Variants in MSI2 observed in about 807,000 individuals in gnomAD.
MSI2 encodes RNA-binding protein Musashi homolog 2.
Under a neutral mutation model 45.6 loss-of-function variants are expected in MSI2, and 17 were observed. The observed-to-expected ratio is 0.37, with a 90% CI of 0.26 to 0.56. The LOEUF (loss-of-function observed/expected upper bound fraction) is 0.56. MSI2 is among the 20% of genes least tolerant of loss of function. MSI2 has a pLI of 0.77. For synonymous variants in MSI2, 156 were observed against 158.2 expected, an observed-to-expected ratio of 0.99 and a Z score of 0.11; for missense variants, 293 against 444.2, an observed-to-expected ratio of 0.66 and a Z score of 3.06.
intron 7 of MSI2, among the ~76,000 whole-genome samples, chr17:57,566,286 G>T (rs997480922): frequency 6.6e-6 from 1 of 152,182 alleles, no homozygotes; most frequent in African/African-American, 2.4e-5. Context: ...AATTCCTCTT[G>T]GCACAGCCCC....
At chr17:57,530,233 T>G (rs2086793620) in intron 7 of MSI2, among the ~76,000 whole-genome samples, 1 of 152,196 alleles carries the variant, frequency 6.6e-6, no homozygotes, top group Admixed American at 6.5e-5. Flanking sequence ...GCATCTGTAC[T>G]TAATTGTGTT....
intron 6 of MSI2, among the ~76,000 whole-genome samples, chr17:57,416,637 G>A (rs2084299529): frequency 6.6e-6 from 1 of 152,158 alleles, no homozygotes; most frequent in African/African-American, 2.4e-5. Flanking sequence ...GTCTCAGTTT[G>A]TTGTTGCCCT....
At chr17:57,574,048 A>T (rs978771613) in intron 7 of MSI2, among the ~76,000 whole-genome samples, 2 of 152,164 alleles carry the variant, frequency 1.3e-5, no homozygotes, top group Admixed American at 6.5e-5. Context: ...AGAACAAGTC[A>T]GGAGGTAGCT....
At chr17:57,478,179 G>A (rs1020878517) in intron 6 of MSI2, among the ~76,000 whole-genome samples, 5 of 152,176 alleles carry the variant, frequency 3.3e-5, no homozygotes, top group African/African-American at 1.2e-4. Flanking sequence ...CAGGCCAAAA[G>A]CCAATAGACA....
intron 5 of MSI2, among the ~76,000 whole-genome samples, chr17:57,349,485 G>A (rs1915852955): frequency 6.6e-6 from 1 of 152,190 alleles, no homozygotes; most frequent in South Asian, 2.1e-4. Flanking sequence ...GAGTGATCCT[G>A]ACAGTGATTA....
intron 5 of MSI2, among the ~76,000 whole-genome samples, chr17:57,324,842 C>A (rs914295874): frequency 2.0e-5 from 3 of 152,172 alleles, no homozygotes; most frequent in Non-Finnish European, 2.9e-5. Context: ...TTCTTTGAGC[C>A]ACTGGGGCAG....
At chr17:57,634,856 A>G (rs1250248467) in intron 10 of MSI2, among the ~76,000 whole-genome samples, 3 of 152,196 alleles carry the variant, frequency 2.0e-5, no homozygotes, top group South Asian at 2.1e-4. Flanking sequence ...AGGCTGCTCA[A>G]ACTCCAGCCA....
intron 11 of MSI2, among the ~76,000 whole-genome samples, chr17:57,656,871 A>C (rs771002980): frequency 2.6e-5 from 4 of 152,182 alleles, no homozygotes; most frequent in Non-Finnish European, 5.9e-5. Context: ...TCTTCCCTAC[A>C]TTTGTGGTGA....
chr17:57,410,358 GCT>G (rs1459812927), intron 6 of MSI2, among the ~76,000 whole-genome samples: 1 of 151,940 alleles, frequency 6.6e-6, no homozygotes, highest in Non-Finnish European at 1.5e-5. Context: ...ATTTAATCCA[GCT>G]GCTGGGTAAA....
At chr17:57,453,651 T>A (rs2085059979) in intron 6 of MSI2, among the ~76,000 whole-genome samples, 1 of 152,246 alleles carries the variant, frequency 6.6e-6, no homozygotes. Flanking sequence ...TTTCTATTAC[T>A]TCATTTAACC....
chr17:57,270,211 C>T (rs1426308334), intron 5 of MSI2, among the ~76,000 whole-genome samples: 1 of 151,990 alleles, frequency 6.6e-6, no homozygotes, highest in Non-Finnish European at 1.5e-5. Context: ...GGCATAGTAC[C>T]GAGACTATAC....
intron 8 of MSI2, among the ~76,000 whole-genome samples, chr17:57,606,897 G>T (rs147831799): frequency 2.0e-5 from 3 of 150,894 alleles, no homozygotes; most frequent in Admixed American, 1.3e-4. Context: ...TGGGGTGATG[G>T]GGGGGGGTGG....
chr17:57,329,228 G>A (rs150259899), intron 5 of MSI2, among the ~76,000 whole-genome samples: 1,641 of 152,290 alleles, frequency 0.011, 39 homozygotes, highest in African/African-American at 0.038. Flanking sequence ...TCTACATTTT[G>A]TAGAAATAGG....
intron 6 of MSI2, among the ~76,000 whole-genome samples, chr17:57,453,126 G>A (rs934869988): frequency 4.0e-5 from 6 of 150,940 alleles, no homozygotes; most frequent in East Asian, 3.9e-4. Context: ...GCAGCCTCCC[G>A]AGTAACTGGG....
At chr17:57,701,303 C>G in the MSI2 span, among the ~76,000 whole-genome samples, 3 of 152,212 alleles carry the variant, frequency 2.0e-5, no homozygotes, top group Non-Finnish European at 4.4e-5. Flanking sequence ...AATTCATATG[C>G]TGAAGCCTAA....
intron 7 of MSI2, among the ~76,000 whole-genome samples, chr17:57,571,485 A>G (rs959211160): frequency 6.6e-6 from 1 of 152,006 alleles, no homozygotes; most frequent in Non-Finnish European, 1.5e-5. Flanking sequence ...GTAGTGTTTT[A>G]CCTTGCCTTT....
At chr17:57,576,234 G>T (rs1430093354) in intron 7 of MSI2, among the ~76,000 whole-genome samples, 1 of 152,196 alleles carries the variant, frequency 6.6e-6, no homozygotes, top group Non-Finnish European at 1.5e-5. Context: ...CTGGAGCTCA[G>T]GCTCAACAAC....
At chr17:57,296,769 G>T (rs969237657) in intron 5 of MSI2, among the ~76,000 whole-genome samples, 1 of 152,156 alleles carries the variant, frequency 6.6e-6, no homozygotes. Flanking sequence ...TCAATGCATC[G>T]TGGTTATGTA....
intron 7 of MSI2, among the ~76,000 whole-genome samples, chr17:57,530,653 A>T (rs2086803335): frequency 6.6e-6 from 1 of 152,140 alleles, no homozygotes; most frequent in Admixed American, 6.5e-5. Flanking sequence ...GTGAGTGAGC[A>T]GCATTTCCTT....
Sources: gnomAD v4.1 joint callset for allele counts (sites outside exome capture counted in the v4.1 genomes callset) on GRCh38, gnomAD v4.1.1 for gene constraint, MANE v1.5 for transcripts, NCBI Gene and HGNC (gene_info 2026-07-23, HGNC 2026-07-21) for gene names.